AKT3: variants seen among roughly 807,000 people sequenced by gnomAD.
AKT3 encodes RAC-gamma serine/threonine-protein kinase.
In AKT3, 15 loss-of-function variants were observed where a neutral mutation model predicts 65.3. The ratio of observed to expected loss-of-function variants is 0.23; its 90% CI spans 0.15 to 0.35. AKT3 has a LOEUF of 0.35. Ranked by LOEUF, AKT3 falls within the 10% of genes least tolerant of loss-of-function variation. The probability of loss-of-function intolerance (pLI) is 1.00; values close to 1 mark genes in which losing one functional copy is unlikely to be tolerated. For missense variants in AKT3, 243 were observed against 576.5 expected (o/e 0.42, Z 5.92); for synonymous variants, 206 against 183.8 (o/e 1.12, Z -0.98).
chr1:243,512,714 C>A (rs1670096213), intron 12 of AKT3, among the ~76,000 whole-genome samples: 1 of 151,968 alleles, frequency 6.6e-6, no homozygotes, highest in East Asian at 1.9e-4. Flanking sequence ...GTTTTTTTCC[C>A]CAATAACAAA....
chr1:243,548,377 T>TTGGTTTTGAACATAGCCAGCA (rs1327905894), intron 11 of AKT3: 1 of 152,190 alleles, frequency 6.6e-6, no homozygotes, highest in African/African-American at 2.4e-5. Context: ...TAGCAATACT[T>TTGGTTTTGAACATAGCCAGCA]TGGTTTTGAA....
intron 4 of AKT3, among the ~76,000 whole-genome samples, chr1:243,652,888 C>G (rs567358842): frequency 6.6e-6 from 1 of 150,670 alleles, no homozygotes; most frequent in Admixed American, 6.6e-5. Flanking sequence ...GTAAAGGGAT[C>G]GATGCAACAA....
At chr1:243,669,814 G>A (rs1683046804) in intron 3 of AKT3, among the ~76,000 whole-genome samples, 1 of 152,112 alleles carries the variant, frequency 6.6e-6, no homozygotes, top group Admixed American at 6.5e-5. Flanking sequence ...GAATGGCTTA[G>A]AAAAGAATAA....
intron 8 of AKT3, among the ~76,000 whole-genome samples, chr1:243,608,828 C>A (rs1211508728): frequency 7.1e-6 from 1 of 141,044 alleles, no homozygotes. Flanking sequence ...TCTTGGCTCA[C>A]TGCACCCTCC....
chr1:243,583,529 A>T (rs971324777), intron 8 of AKT3, among the ~76,000 whole-genome samples: 5 of 144,366 alleles, frequency 3.5e-5, no homozygotes, highest in Non-Finnish European at 7.5e-5. Context: ...GCTCGTCCTT[A>T]AAGTAAGTCT....
At chr1:243,850,437 G>A (rs1161915382), upstream of AKT3, among the ~76,000 whole-genome samples, 8 of 151,192 alleles carry the variant, frequency 5.3e-5, no homozygotes, top group Non-Finnish European at 8.9e-5. Context: ...GGCGGGGGCC[G>A]GGTCACGCCG....
At chr1:243,597,239 A>G (rs1676682014) in intron 8 of AKT3, among the ~76,000 whole-genome samples, 1 of 152,222 alleles carries the variant, frequency 6.6e-6, no homozygotes, top group Non-Finnish European at 1.5e-5. Flanking sequence ...CTAAAAAATG[A>G]AAACAACCTA....
chr1:243,640,620 G>A (rs4658585), intron 5 of AKT3, among the ~76,000 whole-genome samples: 77,386 of 151,928 alleles, frequency 0.51, 23,782 homozygotes, highest in Non-Finnish European at 0.68. Context: ...TTACCACTCC[G>A]AGAGAGAGAC....
chr1:243,780,734 C>T (rs1339417805), intron 2 of AKT3, among the ~76,000 whole-genome samples: 1 of 151,808 alleles, frequency 6.6e-6, no homozygotes, highest in Non-Finnish European at 1.5e-5. Flanking sequence ...ATTGTTCTAA[C>T]TTTTATACAG....
intron 12 of AKT3, among the ~76,000 whole-genome samples, chr1:243,535,114 T>C (rs1426930728): frequency 6.7e-6 from 1 of 149,792 alleles, no homozygotes; most frequent in Non-Finnish European, 1.5e-5. Context: ...ATCAGCTCCC[T>C]TGCATAAATT....
intron 12 of AKT3, among the ~76,000 whole-genome samples, chr1:243,532,343 CTTTT>C (rs1340336686): frequency 6.6e-6 from 1 of 151,848 alleles, no homozygotes; most frequent in African/African-American, 2.4e-5. Flanking sequence ...CTATTCCTAG[CTTTT>C]TTTTCTTTTT....
chr1:243,688,584 A>C lies in AKT3; in HGVS notation c.172+7007T>G, dbSNP rs75051502. On this transcript the variant is annotated intron_variant, in intron 3 of 13. Transcript: ENST00000673466. ...GGAGACTTAACATAATCCAGAAAGGAAGTGATGAAGCACTGAGCTAGGATG... is the reference window on the plus strand; with the variant it reads ...GGAGACTTAACATAATCCAGAAAGGCAGTGATGAAGCACTGAGCTAGGATG... 5.1e-3 allele frequency among the ~76,000 whole-genome samples: 772 copies of C among 152,302 alleles called. 8 individuals carry two copies. Among genetic ancestry groups the C allele is most frequent in the African/African-American group, 0.018 (733 of 41,570 alleles).
chr1:243,575,355 T>C (rs984994994), intron 8 of AKT3, among the ~76,000 whole-genome samples: 1 of 152,182 alleles, frequency 6.6e-6, no homozygotes, highest in Non-Finnish European at 1.5e-5. Context: ...TGCTGGGCAC[T>C]GGAGAAGAGA....
At chr1:243,773,509 G>A (rs1256423728) in intron 2 of AKT3, among the ~76,000 whole-genome samples, 1 of 152,088 alleles carries the variant, frequency 6.6e-6, no homozygotes, top group Non-Finnish European at 1.5e-5. Flanking sequence ...AGCTACTGGG[G>A]AGGGAGAGGT....
chr1:243,655,450 T>G (rs888123730), intron 4 of AKT3, among the ~76,000 whole-genome samples: 16 of 149,490 alleles, frequency 1.1e-4, no homozygotes, highest in African/African-American at 2.3e-4. Flanking sequence ...CTATTGTCTG[T>G]TTTTTTTTCC....
intron 13 of AKT3, among the ~76,000 whole-genome samples, chr1:243,491,940 C>T (rs1353115570): frequency 6.6e-6 from 1 of 152,112 alleles, no homozygotes; most frequent in Non-Finnish European, 1.5e-5. Flanking sequence ...CATCTCTGTC[C>T]ACTTAATACC....
At chr1:243,711,265 T>A (rs1158885608) in intron 2 of AKT3, among the ~76,000 whole-genome samples, 1 of 152,020 alleles carries the variant, frequency 6.6e-6, no homozygotes, top group Non-Finnish European at 1.5e-5. Context: ...GAGGTGGAGG[T>A]TGCAGGGAGC....
intron 2 of AKT3, among the ~76,000 whole-genome samples, chr1:243,762,282 A>G (rs1414247928): frequency 1.3e-5 from 2 of 152,102 alleles, no homozygotes; most frequent in South Asian, 4.1e-4. Flanking sequence ...AATCATAGAC[A>G]ATAAATTTGC....
At chr1:243,794,916 A>G (rs1221183856) in intron 2 of AKT3, among the ~76,000 whole-genome samples, 1 of 152,128 alleles carries the variant, frequency 6.6e-6, no homozygotes, top group Non-Finnish European at 1.5e-5. Context: ...TCAGCTTCCA[A>G]TATTTAGTTG....
Sources: allele counts gnomAD v4.1 joint callset (sites outside exome capture counted in the v4.1 genomes callset), GRCh38; gene constraint gnomAD v4.1.1; transcripts MANE v1.5; gene names NCBI Gene and HGNC (gene_info 2026-07-23, HGNC 2026-07-21).